MAOA: variants seen among roughly 807,000 people sequenced by gnomAD.
MAOA encodes amine oxidase [flavin-containing] A.
In MAOA, 6 loss-of-function variants were observed where a neutral mutation model predicts 42.0. That is an observed-to-expected ratio of 0.14 (90% CI 0.08 to 0.28). MAOA has a LOEUF of 0.28. MAOA is among the 10% of genes least tolerant of loss of function. The probability of loss-of-function intolerance (pLI) is 1.00; values close to 1 mark genes in which losing one functional copy is unlikely to be tolerated. For synonymous variants in MAOA, 140 were observed against 154.0 expected (o/e 0.91, Z 0.67); for missense variants, 262 against 422.3 (o/e 0.62, Z 3.33).
At chrX:43,659,238 C>G (rs941239165) in intron 1 of MAOA, among the ~76,000 whole-genome samples, 1 of 111,543 alleles carries the variant, frequency 9.0e-6, no homozygotes, top group African/African-American at 3.3e-5. Context: ...TGTCTTACAA[C>G]CACAAACTCT....
At chrX:43,698,255 C>A (rs1453683838) in intron 3 of MAOA, among the ~76,000 whole-genome samples, 1 of 111,939 alleles carries the variant, frequency 8.9e-6, no homozygotes, top group Non-Finnish European at 1.9e-5. Context: ...CATCTAGTCC[C>A]AGCTTACTCT....
At chrX:43,743,114 G>C (rs2033972890) in intron 12 of MAOA, among the ~76,000 whole-genome samples, 1 of 110,696 alleles carries the variant, frequency 9.0e-6, no homozygotes, top group Non-Finnish European at 1.9e-5. Flanking sequence ...GCTTGGGAGA[G>C]TTCATGAAAC....
chrX:43,736,445 C>T (rs2033920645), intron 10 of MAOA, among the ~76,000 whole-genome samples, 165 bp downstream of exon 10: 1 of 111,668 alleles, frequency 9.0e-6, no homozygotes, highest in African/African-American at 3.3e-5. Context: ...TTGACCTAGC[C>T]CTTGCCCGTG....
chrX:43,656,099 T>C, upstream of MAOA: 1 of 425,429 alleles, frequency 2.4e-6, no homozygotes, highest in Admixed American at 4.0e-5. Context: ...AGTACAAGGG[T>C]CCGCCCCGCT....
intron 3 of MAOA, among the ~76,000 whole-genome samples, chrX:43,703,370 G>T (rs759190493): frequency 7.1e-5 from 8 of 111,910 alleles, no homozygotes; most frequent in Non-Finnish European, 3.8e-5. Flanking sequence ...AGGAGGACGG[G>T]CTAAGGGCAG....
At chrX:43,685,865 T>G (rs2033483804) in intron 2 of MAOA, among the ~76,000 whole-genome samples, 1 of 112,074 alleles carries the variant, frequency 8.9e-6, no homozygotes, top group African/African-American at 3.2e-5. Context: ...CTCCCTTAGA[T>G]GTAGTCCACT....
At chrX:43,693,902 C>G (rs966068432) in intron 3 of MAOA, among the ~76,000 whole-genome samples, 5 of 111,761 alleles carry the variant, frequency 4.5e-5, no homozygotes, top group African/African-American at 1.6e-4. Flanking sequence ...ACTTCTTTAG[C>G]CTTTGAACTG....
rs948510730 is a variant in MAOA, at chrX:43,694,016, T to A, written c.306+588T>A. 2.7e-5 allele frequency among the ~76,000 whole-genome samples: 3 copies of A among 111,966 alleles called. No individual in the cohort carries two copies. The Middle Eastern group carries it at 0.014, about 514-fold the overall frequency. On this transcript the variant is annotated intron_variant, in intron 3 of 14. Coordinates refer to ENST00000338702, the MANE Select transcript of MAOA (RefSeq NM_000240.4). ...CTAGCTTGTTTGTGCAGTTTCCTAC[T>A]GTTTAAACAAGAGATTGTTTAAACT...
At chrX:43,662,813 GT>G (rs747100419) in intron 1 of MAOA, among the ~76,000 whole-genome samples, 1,219 of 105,726 alleles carry the variant, frequency 0.012, 19 homozygotes, top group African/African-American at 0.039. Flanking sequence ...TAATGATAGG[GT>G]TTTTTTTTTC....
chrX:43,658,286 G>A (rs2033202813), intron 1 of MAOA, among the ~76,000 whole-genome samples: 1 of 111,187 alleles, frequency 9.0e-6, no homozygotes, highest in Admixed American at 9.6e-5. Flanking sequence ...ATTCCTTAAG[G>A]AGCGCGGTTT....
chrX:43,728,074 A>G, intron 5 of MAOA, 99 bp from the exon 6 acceptor site: 1 of 882,142 alleles, frequency 1.1e-6, no homozygotes. Context: ...ATTGCAACAG[A>G]AAAACTTTCT....
At chrX:43,664,136 T>C in intron 1 of MAOA, among the ~76,000 whole-genome samples, 1 of 112,117 alleles carries the variant, frequency 8.9e-6, no homozygotes, top group Middle Eastern at 4.6e-3. Context: ...CAGTTACTAG[T>C]AATGAATTTT....
chrX:43,696,722 C>A (rs759478416), intron 3 of MAOA, among the ~76,000 whole-genome samples: 24 of 100,957 alleles, frequency 2.4e-4, no homozygotes, highest in African/African-American at 8.9e-4. Flanking sequence ...GGTGACAGAG[C>A]GAGACTCCGT....
intron 1 of MAOA, among the ~76,000 whole-genome samples, chrX:43,669,186 G>A (rs756245494): frequency 5.6e-5 from 6 of 106,995 alleles, no homozygotes; most frequent in South Asian, 4.3e-4. Context: ...TGAGGCGGGC[G>A]GATCATGAGA....
At chrX:43,717,097 G>A (rs1217234808) in intron 5 of MAOA, among the ~76,000 whole-genome samples, 2 of 110,716 alleles carry the variant, frequency 1.8e-5, no homozygotes, top group Non-Finnish European at 3.8e-5. Flanking sequence ...ATGAGTGATG[G>A]TGGGGGGAAA....
intron 1 of MAOA, among the ~76,000 whole-genome samples, chrX:43,676,430 G>A (rs79256569): frequency 1.1e-3 from 120 of 110,981 alleles, no homozygotes; most frequent in African/African-American, 3.4e-3. Flanking sequence ...ACTTTGGCTC[G>A]CGCACGGTGC....
chrX:43,699,910 C>T (rs1225379809), intron 3 of MAOA, among the ~76,000 whole-genome samples: 1 of 111,879 alleles, frequency 8.9e-6, no homozygotes, highest in Admixed American at 9.5e-5. Flanking sequence ...TTTGGATATG[C>T]GACATTTCAT....
chrX:43,725,494 T>G (rs2033824799), intron 5 of MAOA, among the ~76,000 whole-genome samples: 1 of 111,201 alleles, frequency 9.0e-6, no homozygotes, highest in Admixed American at 9.6e-5. Flanking sequence ...TTACAACCCC[T>G]GCTTTTTTTT....
chrX:43,701,211 G>T (rs2033622625), intron 3 of MAOA, among the ~76,000 whole-genome samples: 1 of 111,192 alleles, frequency 9.0e-6, no homozygotes, highest in African/African-American at 3.3e-5. Context: ...TGAGTTCCCA[G>T]AGAGCTTAAT....
Sources: allele counts gnomAD v4.1 joint callset (sites outside exome capture counted in the v4.1 genomes callset), GRCh38; gene constraint gnomAD v4.1.1; transcripts MANE v1.5; gene names NCBI Gene and HGNC (gene_info 2026-07-23, HGNC 2026-07-21).